NPAS3: variants seen among roughly 807,000 people sequenced by gnomAD.
The protein encoded by NPAS3 is neuronal PAS domain-containing protein 3.
Under a neutral mutation model 73.1 loss-of-function variants are expected in NPAS3, and 14 were observed. That is an observed-to-expected ratio of 0.19 (90% confidence interval 0.13 to 0.30). The LOEUF is 0.30. Among genes scored for constraint, NPAS3 ranks in the 10% least tolerant of loss-of-function variants. The pLI is 1.00. For missense variants in NPAS3, 1,096 were observed against 1,250.0 expected (o/e 0.88, Z 1.86); for synonymous variants, 620 against 541.5 (o/e 1.14, Z -2.01).
At chr14:32,935,076 G>T, upstream of NPAS3, 1 of 914,988 alleles carries the variant, frequency 1.1e-6, no homozygotes, top group Non-Finnish European at 1.4e-6. Flanking sequence ...TTTGCCTCCT[G>T]TTTTGTGTCT....
intron 4 of NPAS3, among the ~76,000 whole-genome samples, chr14:33,551,111 C>T (rs2055091788): frequency 6.6e-6 from 1 of 152,064 alleles, no homozygotes; most frequent in Admixed American, 6.5e-5. Flanking sequence ...ATGAATTATC[C>T]CCAACCAGAA....
chr14:33,764,206 G>C (rs2140844958), intron 7 of NPAS3, among the ~76,000 whole-genome samples: 2 of 152,308 alleles, frequency 1.3e-5, no homozygotes, highest in South Asian at 4.1e-4. Flanking sequence ...CACAGCAGCA[G>C]AATGCTCTCT....
At chr14:33,209,415 TTACTG>T (rs2046949959) in intron 2 of NPAS3, among the ~76,000 whole-genome samples, 1 of 152,182 alleles carries the variant, frequency 6.6e-6, no homozygotes, top group South Asian at 2.1e-4. Flanking sequence ...TATAGAATCT[TTACTG>T]TACTTTTTCC....
At chr14:33,263,240 T>A (rs2049039819) in intron 3 of NPAS3, among the ~76,000 whole-genome samples, 1 of 152,232 alleles carries the variant, frequency 6.6e-6, no homozygotes, top group Non-Finnish European at 1.5e-5. Context: ...TTCTAGAGTT[T>A]TTATGGTTTT....
chr14:33,487,284 C>T (rs1289269400), intron 4 of NPAS3, among the ~76,000 whole-genome samples: 1 of 152,022 alleles, frequency 6.6e-6, no homozygotes, highest in Admixed American at 6.6e-5. Flanking sequence ...TAACCAAGTC[C>T]CAGACATAAT....
chr14:33,610,350 C>T (rs1014671104), intron 5 of NPAS3, among the ~76,000 whole-genome samples: 12 of 152,054 alleles, frequency 7.9e-5, no homozygotes, highest in East Asian at 5.8e-4. Flanking sequence ...TTTCATGATA[C>T]GCCTCTCCAT....
chr14:33,378,644 T>A (rs75142683), intron 4 of NPAS3, among the ~76,000 whole-genome samples: 3,113 of 151,986 alleles, frequency 0.02, 44 homozygotes, highest in Non-Finnish European at 0.031. Context: ...TCAAAAAAAA[T>A]AAATAAAATA....
intron 3 of NPAS3, among the ~76,000 whole-genome samples, chr14:33,344,435 T>A (rs186105358): frequency 2.6e-5 from 4 of 152,202 alleles, no homozygotes; most frequent in Non-Finnish European, 2.9e-5. Flanking sequence ...GCTGTGTTTC[T>A]AGTTGAATTT....
intron 3 of NPAS3, among the ~76,000 whole-genome samples, chr14:33,271,749 C>G (rs144085117): frequency 2.6e-5 from 4 of 152,138 alleles, no homozygotes; most frequent in African/African-American, 9.7e-5. Flanking sequence ...ACTTTTCTAT[C>G]TCACCTTCCT....
At chr14:33,510,746 C>T (rs752707573) in intron 4 of NPAS3, among the ~76,000 whole-genome samples, 2 of 152,032 alleles carry the variant, frequency 1.3e-5, no homozygotes, top group Non-Finnish European at 2.9e-5. Context: ...GGAGAACTAC[C>T]GCTTTCCCCT....
At chr14:33,304,354 A>G (rs1333998693) in intron 3 of NPAS3, among the ~76,000 whole-genome samples, 3 of 152,108 alleles carry the variant, frequency 2.0e-5, no homozygotes, top group African/African-American at 7.2e-5. Context: ...ATCTAGTTTG[A>G]ATCTTGTTTT....
intron 2 of NPAS3, among the ~76,000 whole-genome samples, chr14:33,091,571 G>T (rs2042225190): frequency 6.6e-6 from 1 of 152,130 alleles, no homozygotes; most frequent in African/African-American, 2.4e-5. Context: ...ATAAGGAGGA[G>T]CTGGTACCAT....
chr14:33,259,312 G>C (rs1447182265), intron 3 of NPAS3, among the ~76,000 whole-genome samples: 2 of 151,828 alleles, frequency 1.3e-5, no homozygotes, highest in African/African-American at 2.4e-5. Flanking sequence ...CTCTGTAGAA[G>C]ACTACAACAA....
intron 3 of NPAS3, among the ~76,000 whole-genome samples, chr14:33,215,920 A>G (rs1028798): frequency 0.083 from 12,667 of 152,192 alleles, 732 homozygotes; most frequent in Non-Finnish European, 0.13. Flanking sequence ...TTTTCTCTAT[A>G]TACATATTAC....
At chr14:33,070,508 C>A (rs753675363) in intron 2 of NPAS3, among the ~76,000 whole-genome samples, 1 of 152,184 alleles carries the variant, frequency 6.6e-6, no homozygotes, top group Non-Finnish European at 1.5e-5. Flanking sequence ...CCATCCTATA[C>A]GTCCTAGATG....
chr14:33,541,944 C>T (rs2054539670), intron 4 of NPAS3, among the ~76,000 whole-genome samples: 2 of 152,108 alleles, frequency 1.3e-5, no homozygotes, highest in African/African-American at 2.4e-5. Context: ...TTTATAACAG[C>T]ATTATAGACA....
intron 5 of NPAS3, among the ~76,000 whole-genome samples, chr14:33,564,458 A>T (rs1251964093): frequency 6.6e-6 from 1 of 152,206 alleles, no homozygotes; most frequent in Non-Finnish European, 1.5e-5. Flanking sequence ...CCCAAATTAC[A>T]AATCTCATAA....
intron 6 of NPAS3, among the ~76,000 whole-genome samples, chr14:33,730,425 A>C (rs903848785): frequency 2.6e-5 from 4 of 152,196 alleles, no homozygotes; most frequent in African/African-American, 9.6e-5. Flanking sequence ...AACAGTCCCC[A>C]AATTACAGCA....
At chr14:33,056,991 T>A (rs1021102056) in intron 2 of NPAS3, among the ~76,000 whole-genome samples, 1 of 152,202 alleles carries the variant, frequency 6.6e-6, no homozygotes, top group Non-Finnish European at 1.5e-5. Flanking sequence ...AAATCCTTTG[T>A]GAATGCAAGC....
Sources: allele counts gnomAD v4.1 joint callset (sites outside exome capture counted in the v4.1 genomes callset), GRCh38; gene constraint gnomAD v4.1.1; transcripts MANE v1.5; gene names NCBI Gene and HGNC (gene_info 2026-07-23, HGNC 2026-07-21).